Variants in MMP26 observed in about 807,000 individuals in gnomAD.
MMP26 encodes matrix metalloproteinase-26.
A neutral mutation model predicts 31.0 loss-of-function variants in MMP26; 33 were observed. The ratio of observed to expected loss-of-function variants is 1.06; its 90% CI spans 0.81 to 1.42. The LOEUF (loss-of-function observed/expected upper bound fraction) is 1.42, where lower values mean the gene tolerates loss of function less well. Among genes scored for constraint, MMP26 ranks in the 40% most tolerant of loss-of-function variants. The probability of loss-of-function intolerance (pLI) is 0.00; values close to 1 mark genes in which losing one functional copy is unlikely to be tolerated. For synonymous variants in MMP26, 122 were observed against 114.9 expected (o/e 1.06, Z -0.40); for missense variants, 347 against 316.1 (o/e 1.10, Z -0.74).
chr11:4,758,536 G>T (rs749092678), intron 1 of MMP26, among the ~76,000 whole-genome samples: 21 of 149,544 alleles, frequency 1.4e-4, no homozygotes, highest in Non-Finnish European at 2.7e-4. Flanking sequence ...ATTTTCTGAT[G>T]GTTAAATATG....
intron 2 of MMP26, among the ~76,000 whole-genome samples, chr11:4,774,249 A>G (rs907991144): frequency 6.6e-6 from 1 of 152,192 alleles, no homozygotes; most frequent in Non-Finnish European, 1.5e-5. Context: ...CTGACCAACA[A>G]TGTAAAAGCA....
At chr11:4,813,862 A>G (rs1173138192) in intron 2 of MMP26, among the ~76,000 whole-genome samples, 5 of 152,154 alleles carry the variant, frequency 3.3e-5, no homozygotes, top group African/African-American at 1.2e-4. Context: ...CCAATACAAA[A>G]GTGAAAAGTC....
chr11:4,856,519 T>G (rs1850055847), intron 2 of MMP26, among the ~76,000 whole-genome samples: 1 of 152,154 alleles, frequency 6.6e-6, no homozygotes, highest in Non-Finnish European at 1.5e-5. Context: ...CAAGAAGAGC[T>G]AACTGTCCTA....
intron 2 of MMP26, among the ~76,000 whole-genome samples, chr11:4,928,267 GAGA>G (rs549863532): frequency 1.4e-3 from 207 of 152,180 alleles, no homozygotes; most frequent in Middle Eastern, 0.01. Flanking sequence ...TGAGTTTAGA[GAGA>G]AGGAGAGCTC....
intron 2 of MMP26, among the ~76,000 whole-genome samples, chr11:4,808,065 C>T (rs771580094): frequency 7.9e-5 from 12 of 152,088 alleles, no homozygotes; most frequent in African/African-American, 1.4e-4. Context: ...CTTGGCCTCC[C>T]GAAGTGCTGG....
At chr11:4,819,586 T>C (rs1391284015) in intron 2 of MMP26, among the ~76,000 whole-genome samples, 98 of 138,334 alleles carry the variant, frequency 7.1e-4, no homozygotes, top group African/African-American at 2.6e-3. Flanking sequence ...TTTTTTTTTT[T>C]TTTTTTTTTT....
At chr11:4,990,792 A>G (rs374680426) in intron 5 of MMP26, 46 bp downstream of exon 5, 11 of 1,576,272 alleles carry the variant, frequency 7.0e-6, no homozygotes, top group Non-Finnish European at 8.6e-6. Flanking sequence ...GCCCTGTGTA[A>G]AGGACAAAGG....
intron 2 of MMP26, chr11:4,923,768 C>T (rs910371019): frequency 1.9e-6 from 3 of 1,613,958 alleles, no homozygotes; most frequent in Non-Finnish European, 2.5e-6. Flanking sequence ...GATGCTAGAG[C>T]AGGCCAGCTT....
intron 2 of MMP26, among the ~76,000 whole-genome samples, chr11:4,904,805 T>C (rs1404465263): frequency 6.6e-6 from 1 of 152,164 alleles, no homozygotes; most frequent in Non-Finnish European, 1.5e-5. Context: ...ATTTTATATT[T>C]CTTCCATTCA....
At chr11:4,889,289 T>C (rs756348797) in intron 2 of MMP26, among the ~76,000 whole-genome samples, 1 of 152,134 alleles carries the variant, frequency 6.6e-6, no homozygotes, top group African/African-American at 2.4e-5. Context: ...TCCTCCCATA[T>C]ACCTTAAAGT....
chr11:4,845,260 G>A (rs1433899), intron 2 of MMP26, among the ~76,000 whole-genome samples: 15,766 of 151,872 alleles, frequency 0.1, 948 homozygotes, highest in Middle Eastern at 0.18. Flanking sequence ...GTTGAAGAGG[G>A]TACCAAGAAA....
chr11:4,735,762 A>C (rs1178730143), intron 1 of MMP26, among the ~76,000 whole-genome samples: 1 of 150,636 alleles, frequency 6.6e-6, no homozygotes, highest in African/African-American at 2.4e-5. Flanking sequence ...AATAGACAAT[A>C]GTTCTAATTT....
In MMP26 at chr11:4,933,482, G is replaced by C. The variant is rs1367960126; in HGVS notation, c.-144-54586G>C. ...GTATGTAAAATGATTAAGAAAGACA[G>C]AAAGATTGATTTTTTTTTTTAACCA... On this transcript the variant is annotated intron_variant, in intron 2 of 7. Coordinates refer to ENST00000380390, the MANE Select transcript of MMP26 (RefSeq NM_021801.5). 2.7e-5 allele frequency among the ~76,000 whole-genome samples: 4 copies of C among 150,922 alleles called. No homozygotes were observed. The East Asian group carries it at 5.9e-4, about 22-fold the overall frequency.
chr11:4,974,459 T>A (rs1181406765), intron 2 of MMP26, among the ~76,000 whole-genome samples: 3 of 152,092 alleles, frequency 2.0e-5, no homozygotes, highest in Non-Finnish European at 4.4e-5. Flanking sequence ...AAAAATACGT[T>A]GTCATTCTTT....
chr11:4,819,398 G>C (rs1028841103), intron 2 of MMP26, among the ~76,000 whole-genome samples: 2 of 151,604 alleles, frequency 1.3e-5, no homozygotes, highest in East Asian at 1.9e-4. Flanking sequence ...ACCCGGGAGA[G>C]GGGGGAAAGA....
chr11:4,804,469 CT>C, intron 2 of MMP26: 2 of 1,013,392 alleles, frequency 2.0e-6, no homozygotes, highest in Non-Finnish European at 3.2e-6. Context: ...ATATACAAGG[CT>C]TTTGGATGGG....
At chr11:4,736,707 C>CG (rs199752867) in intron 1 of MMP26, 1 of 152,132 alleles carries the variant, frequency 6.6e-6, no homozygotes, top group Non-Finnish European at 1.5e-5. Context: ...TAGTATACCT[C>CG]GGGGGGTTAC....
chr11:4,822,433 GTAAT>G lies in MMP26; in HGVS notation c.-145+55094_-145+55097del, dbSNP rs780122654. ...TGAATAAGTGCTTTGCTACAATGGA[GTAAT>G]TGTCCCAAAGTGCCCACACATGCCT... On this transcript the variant is annotated intron_variant, in intron 2 of 7. Coordinates refer to ENST00000380390, the MANE Select transcript of MMP26 (RefSeq NM_021801.5). The G allele has an allele frequency of 6.5e-6, 9 of 1,392,454 alleles. No individual in the cohort carries two copies. The African/African-American group carries it at 1.3e-4, about 20-fold the overall frequency. 86.3% of individuals were successfully genotyped at this position (1,392,454 alleles called of 1,614,324 possible).
intron 2 of MMP26, chr11:4,944,006 T>C: frequency 2.4e-6 from 1 of 421,626 alleles, no homozygotes; most frequent in East Asian, 7.1e-5. Flanking sequence ...GGGCTGCCTA[T>C]CCGCACACTG....
Sources: gnomAD v4.1 joint callset for allele counts (sites outside exome capture counted in the v4.1 genomes callset) on GRCh38, gnomAD v4.1.1 for gene constraint, MANE v1.5 for transcripts, NCBI Gene and HGNC (gene_info 2026-07-23, HGNC 2026-07-21) for gene names.